DLGAP2: variants seen among roughly 807,000 people sequenced by gnomAD.
DLGAP2 encodes the protein DLG associated protein 2, also known as disks large-associated protein 2.
Under a neutral mutation model 100.3 loss-of-function variants are expected in DLGAP2, and 26 were observed. The ratio of observed to expected loss-of-function variants is 0.26; its 90% CI spans 0.19 to 0.36. DLGAP2 has a LOEUF of 0.36. DLGAP2 is among the 10% of genes least tolerant of loss of function. DLGAP2 has a pLI of 1.00. For missense variants in DLGAP2, 1,858 were observed against 1,453.2 expected (o/e 1.28, Z -4.53); for synonymous variants, 886 against 630.1 (o/e 1.41, Z -6.08).
chr8:1,269,646 C>G (rs532113405), intron 3 of DLGAP2, among the ~76,000 whole-genome samples: 3 of 152,166 alleles, frequency 2.0e-5, no homozygotes, highest in Non-Finnish European at 4.4e-5. Flanking sequence ...CAGCACCCAC[C>G]TTTGTAAAAT....
chr8:961,571 A>G (rs59125274), intron 2 of DLGAP2, among the ~76,000 whole-genome samples: 2,320 of 152,324 alleles, frequency 0.015, 51 homozygotes, highest in African/African-American at 0.052. Flanking sequence ...CTGGCTGTGC[A>G]ACAGTGGGAC....
At chr8:1,581,920 A>G (rs1563235331) in intron 6 of DLGAP2, among the ~76,000 whole-genome samples, 1 of 151,238 alleles carries the variant, frequency 6.6e-6, no homozygotes, top group Non-Finnish European at 1.5e-5. Context: ...AACACCACAC[A>G]TCTACACACC....
intron 3 of DLGAP2, among the ~76,000 whole-genome samples, chr8:1,467,799 G>A (rs1798667467): frequency 6.6e-6 from 1 of 152,196 alleles, no homozygotes; most frequent in Non-Finnish European, 1.5e-5. Flanking sequence ...GTCCCACAGT[G>A]CCTTGGGGTC....
intron 2 of DLGAP2, among the ~76,000 whole-genome samples, chr8:1,052,433 C>T (rs752487957): frequency 6.6e-6 from 1 of 152,160 alleles, no homozygotes; most frequent in African/African-American, 2.4e-5. Flanking sequence ...TCACAGCATA[C>T]ACTAGGAATG....
chr8:1,027,948 GT>G (rs1012415649), intron 2 of DLGAP2, among the ~76,000 whole-genome samples: 1 of 146,454 alleles, frequency 6.8e-6, no homozygotes, highest in Non-Finnish European at 1.5e-5. Context: ...TCCAGGTGCG[GT>G]GCCAGGCGCT....
At chr8:883,774 G>T (rs1423135758) in intron 1 of DLGAP2, among the ~76,000 whole-genome samples, 5 of 152,110 alleles carry the variant, frequency 3.3e-5, no homozygotes, top group Non-Finnish European at 2.9e-5. Context: ...AACCCATCCT[G>T]TAAGTTTCCT....
chr8:911,235 C>T (rs1187709919), intron 2 of DLGAP2, among the ~76,000 whole-genome samples: 3 of 152,046 alleles, frequency 2.0e-5, no homozygotes, highest in Non-Finnish European at 2.9e-5. Flanking sequence ...CTAAGCGGTG[C>T]GTTTTCCATT....
At chr8:1,309,181 G>T (rs1800558126) in intron 3 of DLGAP2, among the ~76,000 whole-genome samples, 1 of 151,974 alleles carries the variant, frequency 6.6e-6, no homozygotes, top group South Asian at 2.1e-4. Flanking sequence ...TGAAAAGAAA[G>T]AATATTTGGA....
chr8:1,351,748 G>A (rs1168315882), intron 3 of DLGAP2, among the ~76,000 whole-genome samples: 7 of 73,528 alleles, frequency 9.5e-5, no homozygotes, highest in South Asian at 7.9e-4. Context: ...GGCCGTGCGG[G>A]TCCTGACTAT....
intron 1 of DLGAP2, among the ~76,000 whole-genome samples, chr8:893,889 G>A (rs984823440): frequency 3.3e-5 from 5 of 152,218 alleles, no homozygotes; most frequent in East Asian, 3.9e-4. Context: ...TGGTTGTCTC[G>A]GAGTGCAGAG....
chr8:1,075,432 G>T (rs570579923), intron 2 of DLGAP2, among the ~76,000 whole-genome samples: 2 of 152,202 alleles, frequency 1.3e-5, no homozygotes, highest in South Asian at 4.2e-4. Context: ...CCTGCAATGG[G>T]CTTGTTTCTG....
intron 1 of DLGAP2, among the ~76,000 whole-genome samples, chr8:779,539 C>T (rs973152971): frequency 6.6e-6 from 1 of 151,076 alleles, no homozygotes; most frequent in Non-Finnish European, 1.5e-5. Context: ...TCATAGTTCA[C>T]TGCAGCGTCT....
chr8:1,081,394 C>T (rs1803803489), intron 2 of DLGAP2, among the ~76,000 whole-genome samples: 1 of 152,198 alleles, frequency 6.6e-6, no homozygotes, highest in Admixed American at 6.5e-5. Context: ...CTCTGTCGCC[C>T]AGGTTGGAGT....
At chr8:958,555 T>C (rs1051547941) in intron 2 of DLGAP2, among the ~76,000 whole-genome samples, 1 of 144,350 alleles carries the variant, frequency 6.9e-6, no homozygotes, top group African/African-American at 2.6e-5. Context: ...GTAATGCCAT[T>C]AGTTATTGGA....
chr8:914,405 G>A (rs1422896047), intron 2 of DLGAP2, among the ~76,000 whole-genome samples: 2 of 152,222 alleles, frequency 1.3e-5, no homozygotes, highest in East Asian at 3.8e-4. Context: ...ATCTGGAAAT[G>A]CCTTTATTAG....
At chr8:1,284,338 C>T (rs974966849) in intron 3 of DLGAP2, among the ~76,000 whole-genome samples, 2 of 152,156 alleles carry the variant, frequency 1.3e-5, no homozygotes, top group South Asian at 2.1e-4. Context: ...ATCTGGTATC[C>T]GGGGCTGTGG....
intron 3 of DLGAP2, chr8:1,300,211 CTGTGTGCAA>C (rs1272679817): frequency 1.4e-4 from 21 of 152,172 alleles, no homozygotes; most frequent in Admixed American, 1.4e-3. Flanking sequence ...ACGTGTGTGT[CTGTGTGCAA>C]AGTGTGCATA....
chr8:1,250,930 T>G (rs2116880275), intron 2 of DLGAP2, among the ~76,000 whole-genome samples: 1 of 152,208 alleles, frequency 6.6e-6, no homozygotes, highest in East Asian at 1.9e-4. Flanking sequence ...TGTACAAATT[T>G]AAGGGATGCA....
intron 3 of DLGAP2, among the ~76,000 whole-genome samples, chr8:1,421,452 C>G (rs1299377656): frequency 2.0e-5 from 3 of 152,134 alleles, no homozygotes; most frequent in Non-Finnish European, 4.4e-5. Flanking sequence ...AATATACAGG[C>G]CAACACAATC....
Sources: allele counts gnomAD v4.1 joint callset (sites outside exome capture counted in the v4.1 genomes callset), GRCh38; gene constraint gnomAD v4.1.1; transcripts MANE v1.5; gene names NCBI Gene and HGNC (gene_info 2026-07-23, HGNC 2026-07-21).